Variants in FOXP2 observed in about 807,000 individuals in gnomAD.
FOXP2 encodes forkhead box P2, also known as forkhead box protein P2.
FOXP2 carries 12 observed loss-of-function variants against 115.8 expected under a neutral mutation model. The observed-to-expected ratio is 0.10, with a 90% CI of 0.07 to 0.17. The LOEUF is 0.17. FOXP2 is among the 10% of genes least tolerant of loss of function. The pLI is 1.00. For synonymous variants in FOXP2, 328 were observed against 297.7 expected, an observed-to-expected ratio of 1.10 and a Z score of -1.05; for missense variants, 629 against 843.5, an observed-to-expected ratio of 0.75 and a Z score of 3.15.
intron 1 of FOXP2, among the ~76,000 whole-genome samples, chr7:114,217,723 C>T (rs1461893575): frequency 6.6e-6 from 1 of 152,268 alleles, no homozygotes; most frequent in East Asian, 1.9e-4. Flanking sequence ...TAATTAGAGG[C>T]AGATAACTCC....
chr7:114,257,413 G>A (rs1166514516), intron 1 of FOXP2, among the ~76,000 whole-genome samples: 2 of 150,742 alleles, frequency 1.3e-5, no homozygotes, highest in Non-Finnish European at 3.0e-5. Context: ...AGCATCAAAA[G>A]AAGGCTTTTG....
At chr7:114,571,257 C>T (rs1230365859) in intron 3 of FOXP2, among the ~76,000 whole-genome samples, 1 of 151,828 alleles carries the variant, frequency 6.6e-6, no homozygotes, top group Non-Finnish European at 1.5e-5. Context: ...AACAAAATTG[C>T]TGTTCCATGT....
chr7:114,203,976 A>G (rs1794139530), intron 1 of FOXP2, among the ~76,000 whole-genome samples: 1 of 152,104 alleles, frequency 6.6e-6, no homozygotes, highest in Admixed American at 6.6e-5. Context: ...CTTTATATGT[A>G]CATGTTTTTA....
intron 3 of FOXP2, among the ~76,000 whole-genome samples, chr7:114,560,301 T>C (rs969452567): frequency 1.3e-5 from 2 of 152,218 alleles, no homozygotes; most frequent in Admixed American, 1.3e-4. Flanking sequence ...GATGGAAGAA[T>C]ATATTTATAA....
intron 2 of FOXP2, among the ~76,000 whole-genome samples, chr7:114,400,887 A>G (rs1397867696): frequency 6.6e-6 from 1 of 152,046 alleles, no homozygotes; most frequent in African/African-American, 2.4e-5. Flanking sequence ...GGGGAGCAAG[A>G]TTGGGCTCAA....
At chr7:114,269,728 GT>G (rs1795988391) in intron 1 of FOXP2, among the ~76,000 whole-genome samples, 1 of 152,082 alleles carries the variant, frequency 6.6e-6, no homozygotes, top group Admixed American at 6.6e-5. Context: ...TGGTGATTCT[GT>G]TGTTTATTGT....
intron 1 of FOXP2, among the ~76,000 whole-genome samples, chr7:114,138,431 G>A (rs919264960): frequency 7.1e-6 from 1 of 141,372 alleles, no homozygotes; most frequent in African/African-American, 2.7e-5. Context: ...TCACACTGTC[G>A]CCTGGGCTGG....
At chr7:114,159,356 G>A (rs977485131), upstream of FOXP2, among the ~76,000 whole-genome samples, 7 of 152,010 alleles carry the variant, frequency 4.6e-5, no homozygotes, top group African/African-American at 1.7e-4. Flanking sequence ...ATAATAAAAT[G>A]TTTAGTTTCA....
chr7:114,236,560 T>A (rs886658786), intron 1 of FOXP2, among the ~76,000 whole-genome samples: 2 of 152,240 alleles, frequency 1.3e-5, no homozygotes, highest in Admixed American at 6.5e-5. Context: ...AGGTATTTAT[T>A]ATTCTGTAGC....
intron 2 of FOXP2, among the ~76,000 whole-genome samples, chr7:114,500,203 A>G (rs187794271): frequency 1.0e-3 from 152 of 148,654 alleles, no homozygotes; most frequent in Admixed American, 1.7e-3. Context: ...GCGACAGAGC[A>G]AGACTCCATC....
chr7:114,474,207 A>G (rs1389758515), intron 2 of FOXP2, among the ~76,000 whole-genome samples: 1 of 152,236 alleles, frequency 6.6e-6, no homozygotes, highest in Non-Finnish European at 1.5e-5. Flanking sequence ...ACAGAATAGC[A>G]AAGTCCAATG....
At chr7:114,675,430 A>G (rs1190392913) in intron 16 of FOXP2, among the ~76,000 whole-genome samples, 2 of 152,200 alleles carry the variant, frequency 1.3e-5, no homozygotes, top group Non-Finnish European at 2.9e-5. Flanking sequence ...AGTTAAGCTC[A>G]GGAAAAGACA....
chr7:114,663,551 A>G, intron 15 of FOXP2, 32 bp downstream of exon 15: 1 of 1,494,506 alleles, frequency 6.7e-7, no homozygotes, highest in Non-Finnish European at 9.2e-7. Context: ...GTTGTATTTG[A>G]ATGTTTAGGG....
At chr7:114,603,767 T>G (rs1049708804) in intron 3 of FOXP2, among the ~76,000 whole-genome samples, 1 of 152,192 alleles carries the variant, frequency 6.6e-6, no homozygotes, top group Non-Finnish European at 1.5e-5. Context: ...AATTTTACCA[T>G]GGAAAAGTAA....
chr7:114,552,899 A>C (rs1227209586), intron 3 of FOXP2, among the ~76,000 whole-genome samples: 1 of 152,176 alleles, frequency 6.6e-6, no homozygotes, highest in African/African-American at 2.4e-5. Context: ...CGCCTAAATT[A>C]TATAGTAATA....
Position 114,492,498 on chromosome 7 carries a change from G to T in FOXP2, c.169-42119G>T, listed in dbSNP as rs535953063. ...TTGCTTCTCTAGTTCTTTTAATTGTGATGTTAGGGTGTCAATTTTATATCT... is the reference window on the plus strand; with the variant it reads ...TTGCTTCTCTAGTTCTTTTAATTGTTATGTTAGGGTGTCAATTTTATATCT... On this transcript the variant is annotated intron_variant, in intron 2 of 16. Coordinates refer to ENST00000350908, the MANE Select transcript of FOXP2 (RefSeq NM_014491.4). 4.4e-3 allele frequency among the ~76,000 whole-genome samples: 675 copies of T among 152,060 alleles called. 9 individuals carry two copies. The highest frequency in any genetic ancestry group is 0.015 in the African/African-American group (634 of 41,472).
chr7:114,387,784 T>C (rs1249606371), intron 2 of FOXP2, among the ~76,000 whole-genome samples: 6 of 152,154 alleles, frequency 3.9e-5, no homozygotes, highest in African/African-American at 9.7e-5. Flanking sequence ...TCTTATGCAA[T>C]AGACAAGGTA....
intron 1 of FOXP2, among the ~76,000 whole-genome samples, chr7:114,187,764 C>T (rs1410595143): frequency 1.3e-5 from 2 of 152,120 alleles, no homozygotes; most frequent in African/African-American, 2.4e-5. Flanking sequence ...CAGAATATCA[C>T]AGACTGAGTA....
At chr7:114,269,885 A>G (rs1349362950) in intron 1 of FOXP2, among the ~76,000 whole-genome samples, 2 of 152,148 alleles carry the variant, frequency 1.3e-5, no homozygotes, top group Non-Finnish European at 2.9e-5. Flanking sequence ...TGACCTCTCC[A>G]TCATTGATTC....
Sources: gnomAD v4.1 joint callset for allele counts (sites outside exome capture counted in the v4.1 genomes callset) on GRCh38, gnomAD v4.1.1 for gene constraint, MANE v1.5 for transcripts, NCBI Gene and HGNC (gene_info 2026-07-23, HGNC 2026-07-21) for gene names.